SLC7A11: variants seen among roughly 807,000 people sequenced by gnomAD.
The protein encoded by SLC7A11 is solute carrier family 7 member 11.
Under a neutral mutation model 54.5 loss-of-function variants are expected in SLC7A11, and 35 were observed. The observed-to-expected ratio is 0.64, with a 90% CI of 0.49 to 0.85. The LOEUF (loss-of-function observed/expected upper bound fraction) is 0.85, where lower values mean the gene tolerates loss of function less well. Among genes scored for constraint, SLC7A11 ranks in the 40% least tolerant of loss-of-function variants. The pLI is 0.00. For synonymous variants in SLC7A11, 230 were observed against 225.2 expected (o/e 1.02, Z -0.19); for missense variants, 583 against 618.1 (o/e 0.94, Z 0.60).
At chr4:138,181,037 ATGT>A (rs922925598) in intron 9 of SLC7A11, among the ~76,000 whole-genome samples, 28 of 152,120 alleles carry the variant, frequency 1.8e-4, no homozygotes, top group African/African-American at 6.5e-4. Flanking sequence ...TTCTATATGA[ATGT>A]TGTGTTGTGT....
intron 1 of SLC7A11, among the ~76,000 whole-genome samples, chr4:138,240,129 A>T (rs1738341475): frequency 6.6e-6 from 1 of 152,196 alleles, no homozygotes; most frequent in Non-Finnish European, 1.5e-5. Context: ...AATGATACAC[A>T]ATTGTTACTG....
At chr4:138,213,047 T>C (rs1737590473) in intron 6 of SLC7A11, among the ~76,000 whole-genome samples, 1 of 152,024 alleles carries the variant, frequency 6.6e-6, no homozygotes, top group Non-Finnish European at 1.5e-5. Flanking sequence ...GGTGCTTACA[T>C]ACAAGTTATT....
chr4:138,185,322 T>G, intron 6 of SLC7A11, 78 bp from the exon 7 acceptor site: 2 of 1,478,784 alleles, frequency 1.4e-6, no homozygotes, highest in Non-Finnish European at 1.9e-6. Context: ...AACAGGCTAA[T>G]TCAAATGAAG....
At chr4:138,187,635 A>C (rs1736910239) in intron 6 of SLC7A11, among the ~76,000 whole-genome samples, 1 of 152,126 alleles carries the variant, frequency 6.6e-6, no homozygotes, top group Non-Finnish European at 1.5e-5. Context: ...AGTTTATTAG[A>C]GCTTTTATCA....
At position 138,219,113 on chromosome 4, in the gene SLC7A11, G is replaced by A. The variant is rs895828567; in HGVS notation, c.746+153C>T. 2.0e-5 allele frequency among the ~76,000 whole-genome samples: 3 copies of A among 152,248 alleles called. No homozygotes were observed. In the South Asian group the frequency reaches 6.2e-4, roughly 32 times the overall value. On this transcript the variant is annotated intron_variant, in intron 5 of 11. Coordinates refer to ENST00000280612, the MANE Select transcript of SLC7A11 (RefSeq NM_014331.4). ...TGTGCAAAGTAATTGGCCTGGTGGA[G>A]GGGATAATACCTTATTTCTCATTTC...
intron 6 of SLC7A11, among the ~76,000 whole-genome samples, chr4:138,202,778 A>G (rs1179385281): frequency 6.6e-6 from 1 of 152,110 alleles, no homozygotes; most frequent in African/African-American, 2.4e-5. Flanking sequence ...TAAGGACATA[A>G]AATCAAATAT....
Position 138,171,825 on chromosome 4 carries a change from A to G in SLC7A11, c.*131T>C, listed in dbSNP as rs1736432340. Reference sequence around the variant, plus strand: ...AATTAGTTCGAATATGCTAAAATATATGAATAAAAATAACTGACTCCTTTT... The same window carrying G: ...AATTAGTTCGAATATGCTAAAATATGTGAATAAAAATAACTGACTCCTTTT... On this transcript the variant is annotated 3_prime_UTR_variant, in exon 12 of 12. Coordinates refer to ENST00000280612, the MANE Select transcript of SLC7A11 (RefSeq NM_014331.4). 1 of 1,163,302 alleles carries G rather than the reference A, an allele frequency of 8.6e-7. No homozygotes were observed. Among genetic ancestry groups the G allele is most frequent in the Non-Finnish European group, 1.2e-6 (1 of 846,650 alleles). The allele number at this position is 1,163,302 out of a possible 1,614,324, so 72.1% of individuals were successfully genotyped here.
intron 3 of SLC7A11, among the ~76,000 whole-genome samples, chr4:138,225,493 T>C (rs1175726967): frequency 6.6e-6 from 1 of 151,918 alleles, no homozygotes; most frequent in Non-Finnish European, 1.5e-5. Context: ...GACAGGTCTG[T>C]TGTCAATGAC....
chr4:138,198,370 C>T (rs1478953926), intron 6 of SLC7A11, among the ~76,000 whole-genome samples: 2 of 151,986 alleles, frequency 1.3e-5, no homozygotes, highest in African/African-American at 4.8e-5. Context: ...AGAATCAATA[C>T]CCATAATATA....
intron 6 of SLC7A11, among the ~76,000 whole-genome samples, chr4:138,192,236 C>T (rs895385509): frequency 4.6e-5 from 7 of 152,086 alleles, no homozygotes; most frequent in Non-Finnish European, 7.4e-5. Flanking sequence ...TTTCCCAGCC[C>T]CTCTTTTATC....
At chr4:138,217,047 C>T (rs1368126864) in intron 5 of SLC7A11, among the ~76,000 whole-genome samples, 1 of 152,108 alleles carries the variant, frequency 6.6e-6, no homozygotes, top group East Asian at 1.9e-4. Flanking sequence ...AACCCCACAC[C>T]AACAGACTAT....
chr4:138,179,378 G>A lies in SLC7A11; in HGVS notation c.1283C>T (p.Pro428Leu). The change falls in exon 11 of 12, where the codon CCA becomes CTA. Residue 428 changes from proline to leucine, a missense_variant. Coordinates refer to ENST00000280612, the MANE Select transcript of SLC7A11 (RefSeq NM_014331.4). ...GAGGCATGTGAAGGAAAACAAAGCT[G>A]GGATGAACAGTGGCACCTGGAACAC... ...HRPFKVPLFI[P>L]ALFSFTCLFM... 6.2e-7 allele frequency: 1 copy of A among 1,611,782 alleles called. No individual in the cohort carries two copies. Among genetic ancestry groups the A allele is most frequent in the Non-Finnish European group, 8.5e-7 (1 of 1,178,866 alleles).
In SLC7A11 at chr4:138,241,836, C is replaced by T; in HGVS notation, c.234G>A (p.Met78Ile). ...CACACACCGTCCAGATGGTCAGAGA[C>T]ATGCCCACGCTGCCCGTGTTCTGGA... ...GVLQNTGSVG[M>I]SLTIWTVCGV... The change falls in exon 1 of 12, where the codon ATG (methionine) becomes ATA (isoleucine). Residue 78 changes from methionine (M) to isoleucine (I), a missense_variant. By Grantham distance (10) the Met-to-Ile change is conservative (BLOSUM62 1). Coordinates refer to ENST00000280612, the MANE Select transcript of SLC7A11 (RefSeq NM_014331.4). The T allele has an allele frequency of 1.9e-6, 3 of 1,614,154 alleles. No homozygotes were observed. Among genetic ancestry groups the T allele is most frequent in the Non-Finnish European group, 2.5e-6 (3 of 1,180,018 alleles).
At chr4:138,206,011 G>T (rs1737396163) in intron 6 of SLC7A11, among the ~76,000 whole-genome samples, 1 of 151,952 alleles carries the variant, frequency 6.6e-6, no homozygotes, top group African/African-American at 2.4e-5. Flanking sequence ...TTGCTAACCA[G>T]CATAAGGAAG....
chr4:138,191,133 T>C (rs947231889), intron 6 of SLC7A11, among the ~76,000 whole-genome samples: 2 of 152,176 alleles, frequency 1.3e-5, no homozygotes, highest in Non-Finnish European at 2.9e-5. Context: ...TTTATGAACA[T>C]TTTTTAAAGG....
chr4:138,232,384 T>TAAA lies in SLC7A11; in HGVS notation c.405-5_405-3dup. ...GATATCACAGCAGTAGCTGCAGGGC[T>TAAA]AAAAAAAAATGTATATATTTAGGTT... On this transcript the variant is annotated splice_region_variant and splice_polypyrimidine_tract_variant and intron_variant, in intron 2 of 11. Transcript: ENST00000280612. 1 of 1,518,586 alleles carries TAAA rather than the reference T, an allele frequency of 6.6e-7. No homozygotes were observed. Among genetic ancestry groups the TAAA allele is most frequent in the Non-Finnish European group, 9.0e-7 (1 of 1,105,306 alleles). The allele number at this position is 1,518,586 out of a possible 1,614,324, so 94.1% of individuals were successfully genotyped here.
intron 6 of SLC7A11, among the ~76,000 whole-genome samples, chr4:138,198,492 C>G (rs1737194301): frequency 6.6e-6 from 1 of 152,154 alleles, no homozygotes; most frequent in African/African-American, 2.4e-5. Flanking sequence ...AATGCATTTT[C>G]AAACCATGAG....
intron 3 of SLC7A11, 79 bp downstream of exon 3, chr4:138,232,187 GC>G (rs1738094833): frequency 1.0e-6 from 1 of 967,846 alleles, no homozygotes; most frequent in Non-Finnish European, 1.7e-6. Context: ...ATCCCGCAAT[GC>G]AAAAAGTCTA....
chr4:138,225,679 A>G (rs1018311588), intron 3 of SLC7A11, among the ~76,000 whole-genome samples: 1 of 152,098 alleles, frequency 6.6e-6, no homozygotes, highest in Non-Finnish European at 1.5e-5. Context: ...CACAATAATG[A>G]TTATTGTTTT....
Sources: allele counts gnomAD v4.1 joint callset (sites outside exome capture counted in the v4.1 genomes callset), GRCh38; gene constraint gnomAD v4.1.1; transcripts MANE v1.5; gene names NCBI Gene and HGNC (gene_info 2026-07-23, HGNC 2026-07-21).